Variants in DDX55 observed in about 807,000 individuals in gnomAD.
DDX55 encodes DEAD-box helicase 55, also known as ATP-dependent RNA helicase DDX55.
In DDX55, 56 loss-of-function variants were observed where a neutral mutation model predicts 69.2. The observed-to-expected ratio is 0.81, with a 90% confidence interval of 0.65 to 1.01. The LOEUF (loss-of-function observed/expected upper bound fraction) is 1.01. DDX55 is among the 50% of genes least tolerant of loss of function. The pLI, the probability that DDX55 is intolerant of heterozygous loss-of-function variation, is 0.00. For missense variants in DDX55, 720 were observed against 745.1 expected, an observed-to-expected ratio of 0.97 and a Z score of 0.39; for synonymous variants, 268 against 273.1, an observed-to-expected ratio of 0.98 and a Z score of 0.18.
In DDX55 at chr12:123,617,846, A is replaced by G; in HGVS notation, c.1138A>G (p.Ile380Val). The G allele has an allele frequency of 1.2e-6, 2 of 1,614,186 alleles. No individual in the cohort carries two copies. Among genetic ancestry groups the G allele is most frequent in the Non-Finnish European group, 8.5e-7 (1 of 1,180,038 alleles). The change falls in exon 11 of 14, where the codon ATC (isoleucine) becomes GTC (valine). Residue 380 changes from isoleucine (I) to valine (V), a missense_variant. Physicochemically the swap from Ile to Val is conservative, Grantham distance 29 (BLOSUM62 3). Coordinates refer to ENST00000238146, the MANE Select transcript of DDX55 (RefSeq NM_020936.3). Reference sequence around the variant, plus strand: ...CCTCCTGCCCATGGAAGAGTCATACATCAATTTCCTTGCAATTAACCAAAA... The same window carrying G: ...CCTCCTGCCCATGGAAGAGTCATACGTCAATTTCCTTGCAATTAACCAAAA... The part of the protein sequence containing the change: ...VFLLPMEESY[I>V]NFLAINQKCP...
intron 1 of DDX55, chr12:123,605,492 C>T: frequency 3.3e-6 from 1 of 304,100 alleles, no homozygotes; most frequent in East Asian, 8.5e-5. Flanking sequence ...CTGGAGGGAG[C>T]AGCCTCCAGG....
chr12:123,605,442 G>C (rs1953829687), intron 1 of DDX55: 2 of 246,080 alleles, frequency 8.1e-6, no homozygotes, highest in Non-Finnish European at 1.6e-5. Context: ...CACCTGCTGT[G>C]ATTTAAGTGA....
chr12:123,608,954 T>A, intron 6 of DDX55, 125 bp downstream of exon 6: 1 of 983,814 alleles, frequency 1.0e-6, no homozygotes, highest in Non-Finnish European at 1.4e-6. Context: ...TTATTTATTT[T>A]TTATTTATTT....
Position 123,613,354 on chromosome 12 carries a change from C to T in DDX55, c.824+102C>T, listed in dbSNP as rs914281701. ...GGATTCCATCTAGCATGGTTCTCTC[C>T]GGAATGCTTTTGGCTGCAAATAACT... On this transcript the variant is annotated intron_variant, in intron 8 of 13. Transcript: ENST00000238146. 15 of 1,165,736 alleles carry T rather than the reference C, an allele frequency of 1.3e-5. No homozygotes were observed. In the African/African-American group the frequency reaches 1.6e-4, roughly 12 times the overall value. 72.2% of individuals were successfully genotyped at this position (1,165,736 alleles called of 1,614,324 possible). A position where few individuals can be genotyped will look rare whatever the true frequency, so the allele number is the denominator to read the frequency against.
chr12:123,617,016 C>T (rs546014384), intron 10 of DDX55, among the ~76,000 whole-genome samples: 1 of 152,218 alleles, frequency 6.6e-6, no homozygotes, highest in Non-Finnish European at 1.5e-5. Flanking sequence ...ATTAGCCAGG[C>T]GTGTGTTCCT....
rs1402891627 is a variant in DDX55, at chr12:123,620,577, ATAT to A, written c.*441_*443del. 1.0e-4 allele frequency: 9 copies of A among 86,196 alleles called. No individual in the cohort carries two copies. The highest frequency in any genetic ancestry group is 1.4e-4 in the Admixed American group (1 of 7,062). The allele number at this position is 86,196 out of a possible 1,614,324, so 5.3% of individuals were successfully genotyped here. Reference sequence around the variant, plus strand: ...ATGGGTCACATATAGACATATGTACATATTATATATATATATATATATATATAT... The same window carrying A: ...ATGGGTCACATATAGACATATGTACATATATATATATATATATATATATAT... On this transcript the variant is annotated 3_prime_UTR_variant, in exon 14 of 14. Coordinates refer to ENST00000238146, the MANE Select transcript of DDX55 (RefSeq NM_020936.3).
chr12:123,612,391 T>C (rs1451099683), intron 7 of DDX55, among the ~76,000 whole-genome samples: 1 of 152,218 alleles, frequency 6.6e-6, no homozygotes, highest in Non-Finnish European at 1.5e-5. Context: ...GATTTGGTTT[T>C]GGTAAAAATA....
chr12:123,616,118 G>T (rs997540967), intron 9 of DDX55, among the ~76,000 whole-genome samples: 2 of 152,190 alleles, frequency 1.3e-5, no homozygotes, highest in African/African-American at 4.8e-5. Flanking sequence ...ATAGTTTTCT[G>T]TTTTTCTTAA....
At chr12:123,610,718 TCTC>T (rs1305041083) in intron 7 of DDX55, among the ~76,000 whole-genome samples, 7 of 145,896 alleles carry the variant, frequency 4.8e-5, no homozygotes, top group Admixed American at 2.0e-4. Flanking sequence ...TTCATGCCAT[TCTC>T]CTGCCTCAGC....
At position 123,608,825 on chromosome 12, in the gene DDX55, G is replaced by T. The variant is rs1954039726; in HGVS notation, c.547G>T (p.Ala183Ser). The T allele has an allele frequency of 1.2e-6, 2 of 1,613,472 alleles. No individual in the cohort carries two copies. Among genetic ancestry groups the T allele is most frequent in the African/African-American group, 2.7e-5 (2 of 75,032 alleles). ...ADRLLDMGFE[A>S]SINTILEFLP... ...CAGACTTCTGGACATGGGGTTTGAG[G>T]CAAGGTACTGGACTTTGGACTTCAC... Residue 183 changes from alanine (A) to serine (S), a missense_variant, in exon 6 of 14, where the codon GCA (alanine) becomes TCA (serine). Ala to Ser is a moderately conservative substitution (Grantham distance 99). Transcript: ENST00000238146.
At position 123,618,684 on chromosome 12, in the gene DDX55, A is replaced by G. The variant is rs1341984287; in HGVS notation, c.1180A>G (p.Met394Val). 2.5e-6 allele frequency: 4 copies of G among 1,613,890 alleles called. No homozygotes were observed. The highest frequency in any genetic ancestry group is 3.4e-6 in the Non-Finnish European group (4 of 1,179,964). ...AINQKCPLQE[M>V]KPQRNTADLL... Reference sequence around the variant, plus strand: ...GTGTGTGTAGTGCCCCCTGCAGGAGATGAAGCCCCAGAGAAACACAGCGGA... The same window carrying G: ...GTGTGTGTAGTGCCCCCTGCAGGAGGTGAAGCCCCAGAGAAACACAGCGGA... Residue 394 changes from methionine to valine, a missense_variant, in exon 12 of 14, where the codon ATG (methionine) becomes GTG (valine). Physicochemically the swap from Met to Val is conservative, Grantham distance 21 (BLOSUM62 1). Coordinates refer to ENST00000238146, the MANE Select transcript of DDX55 (RefSeq NM_020936.3).
intron 1 of DDX55, among the ~76,000 whole-genome samples, chr12:123,603,281 G>C (rs1312527181): frequency 6.6e-6 from 1 of 152,128 alleles, no homozygotes; most frequent in Admixed American, 6.5e-5. Context: ...ACTTGGAGTA[G>C]GGTGGAACCA....
intron 11 of DDX55, 97 bp from the exon 12 acceptor site, chr12:123,618,572 A>C (rs1954883935): frequency 1.3e-6 from 2 of 1,553,702 alleles, no homozygotes; most frequent in South Asian, 2.5e-5. Context: ...GTTGAAAAGG[A>C]ATTGTTTCGC....
Position 123,615,230 on chromosome 12 carries a change from G to C in DDX55, c.870G>C (p.Leu290=), listed in dbSNP as rs934608349. 2 of 1,613,968 alleles carry C rather than the reference G, an allele frequency of 1.2e-6. No homozygotes were observed. The highest frequency in any genetic ancestry group is 2.7e-5 in the African/African-American group (2 of 74,912). The change falls in exon 9 of 14, where the codon CTG becomes CTC. Residue 290 remains leucine (L), a synonymous_variant. Transcript: ENST00000238146. ...ACTATGGGAAGGCTCTGGAAGTGCT[G>C]GTGAAGGGCGTGAAGATTATGTGCA... ...VEYYGKALEV[L]VKGVKIMCIH...
rs1050943833 is a variant in DDX55 at position 123,618,490 on chromosome 12, C to G, written c.1165-179C>G. 4.6e-6 allele frequency: 7 copies of G among 1,526,316 alleles called. No individual in the cohort carries two copies. The African/African-American group carries it at 8.3e-5, about 18-fold the overall frequency. 94.5% of individuals were successfully genotyped at this position (1,526,316 alleles called of 1,614,324 possible). A position where few individuals can be genotyped will look rare whatever the true frequency, so the allele number is the denominator to read the frequency against. ...ATGTGAAATCTGATTTTTAAATTTT[C>G]TTTTAAAAATTTAACATACTTTACA... On this transcript the variant is annotated intron_variant, in intron 11 of 13. Transcript: ENST00000238146.
chr12:123,618,501 T>G, intron 11 of DDX55, 168 bp from the exon 12 acceptor site: 1 of 1,534,138 alleles, frequency 6.5e-7, no homozygotes, highest in Non-Finnish European at 8.7e-7. Flanking sequence ...TTTTAAAAAT[T>G]TAACATACTT....
chr12:123,616,581 T>TATG lies in DDX55; in HGVS notation c.1029_1031dup (p.Asp344dup). The TATG allele has an allele frequency of 6.2e-7, 1 of 1,614,144 alleles. No individual in the cohort carries two copies. Among genetic ancestry groups the TATG allele is most frequent in the Non-Finnish European group, 8.5e-7 (1 of 1,180,024 alleles). On this transcript the variant is annotated inframe_insertion, in exon 10 of 14. Coordinates refer to ENST00000238146, the MANE Select transcript of DDX55 (RefSeq NM_020936.3). ...TCCTGAAGTCAACTGGGTTTTGCAGTATGACCCTCCCAGCAATGCAAGGTA... is the reference window on the plus strand; with the variant it reads ...TCCTGAAGTCAACTGGGTTTTGCAGTATGATGACCCTCCCAGCAATGCAAGGTA...
chr12:123,616,770 A>G (rs909346299), intron 10 of DDX55, 167 bp downstream of exon 10: 3 of 709,574 alleles, frequency 4.2e-6, no homozygotes, highest in Non-Finnish European at 7.4e-6. Flanking sequence ...GGCTTGCCAG[A>G]ACAGTTTTGA....
chr12:123,612,035 A>G (rs1363541109), intron 7 of DDX55, among the ~76,000 whole-genome samples: 4 of 152,240 alleles, frequency 2.6e-5, no homozygotes, highest in Non-Finnish European at 5.9e-5. Context: ...TTAGTACACA[A>G]TAAGTATGGG....
Sources: gnomAD v4.1 joint callset for allele counts (sites outside exome capture counted in the v4.1 genomes callset) on GRCh38, gnomAD v4.1.1 for gene constraint, MANE v1.5 for transcripts, NCBI Gene and HGNC (gene_info 2026-07-23, HGNC 2026-07-21) for gene names.